ASB13: variants seen among roughly 807,000 people sequenced by gnomAD.
ASB13 encodes ankyrin repeat and SOCS box containing 13, also known as ankyrin repeat and SOCS box protein 13.
A neutral mutation model predicts 28.8 loss-of-function variants in ASB13; 33 were observed. That is an observed-to-expected ratio of 1.15 (90% CI 0.87 to 1.53). The LOEUF (loss-of-function observed/expected upper bound fraction) is 1.53, where lower values mean the gene tolerates loss of function less well. Among genes scored for constraint, ASB13 ranks in the 40% most tolerant of loss-of-function variants. The probability of loss-of-function intolerance (pLI) is 0.00; values close to 1 mark genes in which losing one functional copy is unlikely to be tolerated. For synonymous variants in ASB13, 182 were observed against 172.9 expected, an observed-to-expected ratio of 1.05 and a Z score of -0.41; for missense variants, 414 against 390.1, an observed-to-expected ratio of 1.06 and a Z score of -0.52.
rs1835115431 is a variant in ASB13, at chr10:5,659,034, C to T, written c.44-5984G>A. ...GGTCAGTGTCCCAGGTGAAAAGAAT[C>T]GGGAAGGACAGCTTATGGTCACGGA... is the stretch of plus-strand genomic sequence containing the variant. On this transcript the variant is annotated intron_variant, in intron 1 of 5. Coordinates refer to ENST00000357700, the MANE Select transcript of ASB13 (RefSeq NM_024701.4). The surrounding 1 kb of genome is among the most constrained non-coding windows in gnomAD (Gnocchi z 5.8). Among the ~76,000 whole-genome samples, 1 of 152,174 alleles carries T rather than the reference C, an allele frequency of 6.6e-6. No individual in the cohort carries two copies.
At chr10:5,648,632 A>G (rs535323936) in intron 4 of ASB13, among the ~76,000 whole-genome samples, 1 of 145,654 alleles carries the variant, frequency 6.9e-6, no homozygotes, top group Admixed American at 6.8e-5. Flanking sequence ...ACAACCACGC[A>G]GGTAAACACC....
At position 5,664,578 on chromosome 10, in the gene ASB13, G is replaced by C. The variant is rs1198585843; in HGVS notation, c.43+1931C>G. The stretch of plus-strand genomic sequence containing the variant: ...AAACAATTCTACTGGAGGACCCTGG[G>C]GGGAACGTACGGGGGAGTGGGGGAG... On this transcript the variant is annotated intron_variant, in intron 1 of 5. Coordinates refer to ENST00000357700, the MANE Select transcript of ASB13 (RefSeq NM_024701.4). This position sits in a 1 kb window ranked among gnomAD's most constrained non-coding sequence, Gnocchi z 4.2. Among the ~76,000 whole-genome samples the C allele has an allele frequency of 6.6e-6, 1 of 152,176 alleles. No individual in the cohort carries two copies. The highest frequency in any genetic ancestry group is 1.5e-5 in the Non-Finnish European group (1 of 68,034).
Position 5,666,564 on chromosome 10 carries a change from C to T in ASB13, c.-13G>A. Reference sequence around the variant, plus strand: ...CCCGGGGCTCCATGCGGCTCACCGGCGGCCGCGCGGCGACTCTGGGCGCCG... The same window carrying T: ...CCCGGGGCTCCATGCGGCTCACCGGTGGCCGCGCGGCGACTCTGGGCGCCG... On this transcript the variant is annotated 5_prime_UTR_variant, in exon 1 of 6. Coordinates refer to ENST00000357700, the MANE Select transcript of ASB13 (RefSeq NM_024701.4). 8.7e-7 allele frequency: 1 copy of T among 1,152,404 alleles called. No individual in the cohort carries two copies. 71.4% of individuals were successfully genotyped at this position (1,152,404 alleles called of 1,614,324 possible).
intron 1 of ASB13, among the ~76,000 whole-genome samples, chr10:5,657,568 G>T (rs1185325891): frequency 1.3e-5 from 2 of 152,178 alleles, no homozygotes; most frequent in Non-Finnish European, 2.9e-5. Context: ...GTGCACTGAT[G>T]ATGGGAATAT....
chr10:5,649,086 C>T lies in ASB13; in HGVS notation c.401G>A (p.Arg134Lys), dbSNP rs1665539879. 1 of 1,614,126 alleles carries T rather than the reference C, an allele frequency of 6.2e-7. No homozygotes were observed. Among genetic ancestry groups the T allele is most frequent in the African/African-American group, 1.3e-5 (1 of 74,950 alleles). The change falls in exon 4 of 6, where the codon AGG becomes AAG. Residue 134 changes from arginine (R) to lysine (K), a missense_variant. Arg to Lys is a conservative substitution (Grantham distance 26, BLOSUM62 2). Coordinates refer to ENST00000357700, the MANE Select transcript of ASB13 (RefSeq NM_024701.4). The surrounding 1 kb of genome is among the most constrained non-coding windows in gnomAD (Gnocchi z 6.4). ...ATTGGCCCCGACGTCAATAAGAAGC[C>T]TCACACATTCGGAACTCCCTTAAGA... ...ACMSGSSECV[R>K]LLIDVGANLE...
intron 4 of ASB13, among the ~76,000 whole-genome samples, chr10:5,643,964 C>T (rs1490923558): frequency 6.6e-6 from 1 of 152,194 alleles, no homozygotes; most frequent in Non-Finnish European, 1.5e-5. Flanking sequence ...GCCAGGGGCT[C>T]TTGCAGGGAG....
rs1834811327 is a variant in ASB13, at chr10:5,641,815, T to G, written c.664A>C (p.Thr222Pro). The change falls in exon 5 of 6, where the codon ACG becomes CCG. Residue 222 changes from threonine to proline, a missense_variant. Coordinates refer to ENST00000357700, the MANE Select transcript of ASB13 (RefSeq NM_024701.4). This position sits in a 1 kb window ranked among gnomAD's most constrained non-coding sequence, Gnocchi z 8.4. ...DNRGKKPSDY[T>P]WSSSAPAKCF... ...TTGGCGGGAGCGCTGCTGCTCCACGTGTAGTCAGACGGCTTCTTCCCGCGG... is the reference window on the plus strand; with the variant it reads ...TTGGCGGGAGCGCTGCTGCTCCACGGGTAGTCAGACGGCTTCTTCCCGCGG... 1 of 1,611,780 alleles carries G rather than the reference T, an allele frequency of 6.2e-7. No homozygotes were observed. Among genetic ancestry groups the G allele is most frequent in the African/African-American group, 1.3e-5 (1 of 74,892 alleles).
Position 5,640,535 on chromosome 10 carries a change from C to T in ASB13, c.*168G>A, listed in dbSNP as rs1408855568. ...GCAGGCCTTCCCAACACCCTGGAAACATTATCCAGGATCCAGGAGAGAAGC... is the reference window on the plus strand; with the variant it reads ...GCAGGCCTTCCCAACACCCTGGAAATATTATCCAGGATCCAGGAGAGAAGC... On this transcript the variant is annotated 3_prime_UTR_variant, in exon 6 of 6. Transcript: ENST00000357700. 11 of 866,740 alleles carry T rather than the reference C, an allele frequency of 1.3e-5. No individual in the cohort carries two copies. The highest frequency in any genetic ancestry group is 2.7e-5 in the Admixed American group (1 of 36,714). The allele number at this position is 866,740 out of a possible 1,614,324, so 53.7% of individuals were successfully genotyped here.
In ASB13 at chr10:5,640,841, G is replaced by T; in HGVS notation, c.710-11C>A. On this transcript the variant is annotated splice_polypyrimidine_tract_variant and intron_variant, in intron 5 of 5. Coordinates refer to ENST00000357700, the MANE Select transcript of ASB13 (RefSeq NM_024701.4). The stretch of plus-strand genomic sequence containing the variant: ...GAGTCAGAGGTGTCTCTGAAAAAGG[G>T]AGCAAGGAAGGATGTGAGGTTAATT... 6.2e-7 allele frequency: 1 copy of T among 1,613,532 alleles called. No homozygotes were observed.
rs747935634 is a variant in ASB13 at position 5,644,537 on chromosome 10, G to A, written c.518-2576C>T. Among the ~76,000 whole-genome samples, 1 of 151,952 alleles carries A rather than the reference G, an allele frequency of 6.6e-6. No individual in the cohort carries two copies. The highest frequency in any genetic ancestry group is 1.5e-5 in the Non-Finnish European group (1 of 67,990). ...CAGGTACTCGTTAGAGGAAAACAGG[G>A]CCAGACACGGTGGCTCATGCCTGTA... is the stretch of plus-strand genomic sequence containing the variant. On this transcript the variant is annotated intron_variant, in intron 4 of 5. Coordinates refer to ENST00000357700, the MANE Select transcript of ASB13 (RefSeq NM_024701.4). The surrounding 1 kb of genome is among the most constrained non-coding windows in gnomAD (Gnocchi z 5.1).
chr10:5,642,049 G>C lies in ASB13; in HGVS notation c.518-88C>G, dbSNP rs1044130468. On this transcript the variant is annotated intron_variant, in intron 4 of 5. Transcript: ENST00000357700. The surrounding 1 kb of genome is among the most constrained non-coding windows in gnomAD (Gnocchi z 4.1). Reference sequence around the variant, plus strand: ...CAGGTCCGTTTCGTCACACAGCACGGTGGCAGAAGCAATCCCCACCCAGAA... The same window carrying C: ...CAGGTCCGTTTCGTCACACAGCACGCTGGCAGAAGCAATCCCCACCCAGAA... 7.7e-5 allele frequency: 102 copies of C among 1,322,812 alleles called. No homozygotes were observed. The highest frequency in any genetic ancestry group is 8.6e-5 in the Non-Finnish European group (82 of 951,672). 81.9% of individuals were successfully genotyped at this position (1,322,812 alleles called of 1,614,324 possible). A position where few individuals can be genotyped will look rare whatever the true frequency, so the allele number is the denominator to read the frequency against.
chr10:5,653,180 C>G (rs1835017548), intron 1 of ASB13, 130 bp from the exon 2 acceptor site: 1 of 1,017,980 alleles, frequency 9.8e-7, no homozygotes, highest in African/African-American at 1.6e-5. Flanking sequence ...CCCAGCACTT[C>G]TACAAAGATC....
At chr10:5,646,815 G>C (rs1030132891) in intron 4 of ASB13, among the ~76,000 whole-genome samples, 1 of 152,130 alleles carries the variant, frequency 6.6e-6, no homozygotes, top group Non-Finnish European at 1.5e-5. Context: ...AATGGAACTC[G>C]TGTGTACTGA....
chr10:5,639,826 C>G lies in ASB13; in HGVS notation c.*877G>C, dbSNP rs186963385. 1 of 52,236 alleles carries G rather than the reference C, an allele frequency of 1.9e-5. No individual in the cohort carries two copies. 3.2% of individuals were successfully genotyped at this position (52,236 alleles called of 1,614,324 possible). ...AGATGAAAAACAATTCCCACAGAGTCTCCAAACAGGCCTTTGCACTGAGAA... is the reference window on the plus strand; with the variant it reads ...AGATGAAAAACAATTCCCACAGAGTGTCCAAACAGGCCTTTGCACTGAGAA... On this transcript the variant is annotated 3_prime_UTR_variant, in exon 6 of 6. Transcript: ENST00000357700.
Position 5,640,412 on chromosome 10 carries a change from C to G in ASB13, c.*291G>C, listed in dbSNP as rs1834789134. The G allele has an allele frequency of 3.1e-6, 1 of 321,176 alleles. No homozygotes were observed. Among genetic ancestry groups the G allele is most frequent in the African/African-American group, 2.1e-5 (1 of 46,796 alleles). The allele number at this position is 321,176 out of a possible 1,614,324, so 19.9% of individuals were successfully genotyped here. A position where few individuals can be genotyped will look rare whatever the true frequency, so the allele number is the denominator to read the frequency against. On this transcript the variant is annotated 3_prime_UTR_variant, in exon 6 of 6. Coordinates refer to ENST00000357700, the MANE Select transcript of ASB13 (RefSeq NM_024701.4). Reference sequence around the variant, plus strand: ...TCCTGAGAGTGCCTTTGAGGATGGTCCGTAAAAGAGGAAAACTGGATGGTT... The same window carrying G: ...TCCTGAGAGTGCCTTTGAGGATGGTGCGTAAAAGAGGAAAACTGGATGGTT...
Position 5,652,761 on chromosome 10 carries a change from T to C in ASB13, c.231+102A>G. ...TGGTACCTGTGTGCAGTGGACACAG[T>C]GCAGCCCCCATCCTCCCCTCTTTCC... On this transcript the variant is annotated intron_variant, in intron 2 of 5. Transcript: ENST00000357700. This position sits in a 1 kb window ranked among gnomAD's most constrained non-coding sequence, Gnocchi z 5.0. 1.6e-6 allele frequency: 2 copies of C among 1,270,612 alleles called. No individual in the cohort carries two copies. The highest frequency in any genetic ancestry group is 5.1e-5 in the East Asian group (2 of 38,942). 78.7% of individuals were successfully genotyped at this position (1,270,612 alleles called of 1,614,324 possible). A position where few individuals can be genotyped will look rare whatever the true frequency, so the allele number is the denominator to read the frequency against.
Position 5,660,584 on chromosome 10 carries a change from A to T in ASB13, c.43+5925T>A, listed in dbSNP as rs1364814549. 6.6e-6 allele frequency among the ~76,000 whole-genome samples: 1 copy of T among 152,156 alleles called. No homozygotes were observed. The highest frequency in any genetic ancestry group is 1.5e-5 in the Non-Finnish European group (1 of 68,018). On this transcript the variant is annotated intron_variant, in intron 1 of 5. Coordinates refer to ENST00000357700, the MANE Select transcript of ASB13 (RefSeq NM_024701.4). The surrounding 1 kb of genome is among the most constrained non-coding windows in gnomAD (Gnocchi z 6.1). ...CCAAACCTCGGCCTCCTCTCTCCTC[A>T]AATGGGTGCTGTGAAGACTGAAGAA...
chr10:5,662,535 G>GT (rs1554744094), intron 1 of ASB13, among the ~76,000 whole-genome samples: 1 of 57,488 alleles, frequency 1.7e-5, no homozygotes, highest in Non-Finnish European at 4.0e-5. Flanking sequence ...GTCGAGAAGG[G>GT]GGGGGGAGGG....
rs1834998001 is a variant in ASB13, at chr10:5,652,060, A to ACC, written c.232-698_232-697insGG. 1.4e-5 allele frequency among the ~76,000 whole-genome samples: 2 copies of ACC among 148,056 alleles called. No homozygotes were observed. The highest frequency in any genetic ancestry group is 1.4e-4 in the Admixed American group (2 of 14,692). On this transcript the variant is annotated intron_variant, in intron 2 of 5. Transcript: ENST00000357700. The surrounding 1 kb of genome is among the most constrained non-coding windows in gnomAD (Gnocchi z 5.0). ...CACACACACACACACACACACACACACAAAACTCTAACCTCAATGGAAGGA... is the reference window on the plus strand; with the variant it reads ...CACACACACACACACACACACACACACCCAAAACTCTAACCTCAATGGAAGGA...
Sources: allele counts gnomAD v4.1 joint callset (sites outside exome capture counted in the v4.1 genomes callset), GRCh38; gene constraint gnomAD v4.1.1; non-coding constraint Gnocchi (gnomAD v3.1); transcripts MANE v1.5; gene names NCBI Gene and HGNC (gene_info 2026-07-23, HGNC 2026-07-21).